The following TAF6L variants were observed in gnomAD, a reference collection of about 807,000 sequenced individuals.
TAF6L encodes the protein TAF6-like RNA polymerase II p300/CBP-associated factor-associated factor 65 kDa subunit 6L.
Under a neutral mutation model 57.3 loss-of-function variants are expected in TAF6L, and 34 were observed. The observed-to-expected ratio is 0.59, with a 90% CI of 0.45 to 0.79. The LOEUF (loss-of-function observed/expected upper bound fraction) is 0.79, where lower values mean the gene tolerates loss of function less well. Ranked by LOEUF, TAF6L falls within the 30% of genes least tolerant of loss-of-function variation. TAF6L has a pLI of 0.00. For synonymous variants in TAF6L, 417 were observed against 376.3 expected, an observed-to-expected ratio of 1.11 and a Z score of -1.25; for missense variants, 782 against 853.2, an observed-to-expected ratio of 0.92 and a Z score of 1.04.
chr11:62,786,466 G>A, intron 10 of TAF6L, 51 bp from the exon 11 acceptor site: 2 of 1,591,566 alleles, frequency 1.3e-6, no homozygotes, highest in Non-Finnish European at 1.7e-6. Context: ...AATATTTGAT[G>A]GGCCCAGGTT....
At chr11:62,772,391 C>T (rs1219932027) in intron 1 of TAF6L, among the ~76,000 whole-genome samples, 1 of 151,880 alleles carries the variant, frequency 6.6e-6, no homozygotes, top group Non-Finnish European at 1.5e-5. Context: ...GGCATGGCGG[C>T]GTATGCCTGT....
intron 1 of TAF6L, 126 bp from the exon 2 acceptor site, chr11:62,775,645 C>A: frequency 9.5e-7 from 1 of 1,052,300 alleles, no homozygotes; most frequent in Non-Finnish European, 1.3e-6. Flanking sequence ...CATCTGGGTA[C>A]TCAGAGCTCC....
intron 5 of TAF6L, 73 bp downstream of exon 5, chr11:62,778,408 G>A: frequency 3.2e-6 from 5 of 1,560,562 alleles, no homozygotes; most frequent in Non-Finnish European, 3.5e-6. Context: ...GTGCCTATGT[G>A]CCCCCGAGTC....
chr11:62,778,656 G>A, intron 5 of TAF6L: 2 of 612,958 alleles, frequency 3.3e-6, no homozygotes, highest in East Asian at 2.7e-5. Flanking sequence ...TCTGGCAGAG[G>A]GTGGGTGGAA....
chr11:62,775,888 G>T lies in TAF6L; in HGVS notation c.105G>T (p.Leu35=). The T allele has an allele frequency of 6.2e-7, 1 of 1,613,970 alleles. No individual in the cohort carries two copies. The highest frequency in any genetic ancestry group is 1.1e-5 in the South Asian group (1 of 91,076). The change falls in exon 2 of 11, where the codon CTG becomes CTT. Residue 35 remains leucine (L), a synonymous_variant. Transcript: ENST00000294168. ...AGCTGAGCGATGAGGTGGCGGCGCTGCTCGCAGAGGACGTGTGCTATCGTC... is the reference window on the plus strand; with the variant it reads ...AGCTGAGCGATGAGGTGGCGGCGCTTCTCGCAGAGGACGTGTGCTATCGTC... ...GLELSDEVAA[L]LAEDVCYRLR...
intron 6 of TAF6L, among the ~76,000 whole-genome samples, chr11:62,779,755 T>C (rs2084213476): frequency 6.6e-6 from 1 of 151,422 alleles, no homozygotes; most frequent in Non-Finnish European, 1.5e-5. Flanking sequence ...AGCCTCTACC[T>C]CTTGGGTTCA....
chr11:62,786,290 T>G lies in TAF6L; in HGVS notation c.991T>G (p.Ser331Ala). The change falls in exon 10 of 11, where the codon TCC (serine) becomes GCC (alanine). Residue 331 changes from serine to alanine, a missense_variant. By Grantham distance (99) the Ser-to-Ala change is moderately conservative. This residue lies in a region of TAF6L where 483 missense variants were observed against 445.1 expected (regional missense o/e 1.09). Coordinates refer to ENST00000294168, the MANE Select transcript of TAF6L (RefSeq NM_006473.4). ...AVERVLYPHL[S>A]TYWTNLQAVL... ...AGAACGAGTCCTGTACCCACACCTG[T>G]CCACCTACTGGACAAACTTGCAGGC... 6.2e-7 allele frequency: 1 copy of G among 1,614,110 alleles called. No homozygotes were observed. Among genetic ancestry groups the G allele is most frequent in the Non-Finnish European group, 8.5e-7 (1 of 1,179,992 alleles).
chr11:62,773,240 C>T (rs1178570149), intron 1 of TAF6L, among the ~76,000 whole-genome samples: 8 of 151,576 alleles, frequency 5.3e-5, no homozygotes, highest in South Asian at 2.1e-4. Context: ...CTCCACCTCC[C>T]GGGTTCAAGC....
chr11:62,773,976 G>A (rs1179683558), intron 1 of TAF6L, among the ~76,000 whole-genome samples: 4 of 152,188 alleles, frequency 2.6e-5, no homozygotes, highest in Non-Finnish European at 5.9e-5. Flanking sequence ...GGACACAGGT[G>A]GGAATACAGA....
chr11:62,776,726 C>T (rs910309847), intron 3 of TAF6L, among the ~76,000 whole-genome samples: 1 of 151,836 alleles, frequency 6.6e-6, no homozygotes. Flanking sequence ...TGGTACATGT[C>T]TGTAATCCCA....
chr11:62,782,917 G>T (rs2084241198), intron 9 of TAF6L, 92 bp downstream of exon 9: 1 of 1,534,152 alleles, frequency 6.5e-7, no homozygotes, highest in Non-Finnish European at 8.8e-7. Flanking sequence ...AAAATAGTGT[G>T]TGCCTGCCAC....
chr11:62,773,448 AT>A (rs112592058), intron 1 of TAF6L, among the ~76,000 whole-genome samples: 1,484 of 135,694 alleles, frequency 0.011, 15 homozygotes, highest in African/African-American at 0.034. Flanking sequence ...CCGGCCTACA[AT>A]TTTTTTTTTT....
At chr11:62,773,320 G>T (rs1304792562) in intron 1 of TAF6L, among the ~76,000 whole-genome samples, 3 of 151,046 alleles carry the variant, frequency 2.0e-5, no homozygotes, top group Non-Finnish European at 4.4e-5. Flanking sequence ...GCTAATTTTT[G>T]TATTTTTAGT....
At chr11:62,779,396 C>A (rs1191855105) in intron 6 of TAF6L, among the ~76,000 whole-genome samples, 1 of 151,882 alleles carries the variant, frequency 6.6e-6, no homozygotes, top group Non-Finnish European at 1.5e-5. Context: ...GGGGTTTCAC[C>A]GTGTTAGCCA....
chr11:62,782,179 C>T lies in TAF6L; in HGVS notation c.673C>T (p.Arg225Cys), dbSNP rs759238822. ...RLLQVARSLF[R>C]NPHLCLGPYV... is the part of the protein sequence containing the mutation. ...GCTGCAGGTGGCACGGAGCCTATTTCGTAATCCGCACCTGTGCTTGGGGCC... is the reference window on the plus strand; with the variant it reads ...GCTGCAGGTGGCACGGAGCCTATTTTGTAATCCGCACCTGTGCTTGGGGCC... Residue 225 changes from arginine to cysteine, a missense_variant, in exon 8 of 11, where the codon CGT becomes TGT. Coordinates refer to ENST00000294168, the MANE Select transcript of TAF6L (RefSeq NM_006473.4). 17 of 1,613,910 alleles carry T rather than the reference C, an allele frequency of 1.1e-5. No individual in the cohort carries two copies. Among genetic ancestry groups the T allele is most frequent in the African/African-American group, 4.0e-5 (3 of 74,930 alleles).
intron 6 of TAF6L, among the ~76,000 whole-genome samples, chr11:62,781,049 A>G (rs539268142): frequency 6.6e-6 from 1 of 151,762 alleles, no homozygotes. Context: ...TAGCCTGGTC[A>G]ACATGGCAAA....
intron 6 of TAF6L, among the ~76,000 whole-genome samples, chr11:62,780,796 G>C (rs1053784162): frequency 1.3e-5 from 2 of 151,020 alleles, no homozygotes; most frequent in Non-Finnish European, 2.9e-5. Context: ...AATTAGCCGG[G>C]CTTGGTGGCA....
At chr11:62,784,723 C>T (rs2084257741) in intron 9 of TAF6L, among the ~76,000 whole-genome samples, 2 of 152,126 alleles carry the variant, frequency 1.3e-5, no homozygotes, top group African/African-American at 4.8e-5. Flanking sequence ...TACAGATTTC[C>T]TGATAGTAAA....
Position 62,786,916 on chromosome 11 carries a change from C to T in TAF6L, c.1489C>T (p.His497Tyr), listed in dbSNP as rs537783180. 4.0e-6 allele frequency: 6 copies of T among 1,499,508 alleles called. No individual in the cohort carries two copies. The African/African-American group carries it at 7.2e-5, about 18-fold the overall frequency. 92.9% of individuals were successfully genotyped at this position (1,499,508 alleles called of 1,614,324 possible). ...GACGGCAAGCGCCATAGTCAGCCCG[C>T]ACGGCGACGAGAGCCCCCGGGGCAG... ...QLTASAIVSP[H>Y]GDESPRGSGG... Residue 497 changes from histidine to tyrosine, a missense_variant, in exon 11 of 11, where the codon CAC (histidine) becomes TAC (tyrosine). His to Tyr is a moderately conservative substitution (Grantham distance 83). Transcript: ENST00000294168.
Sources: allele counts gnomAD v4.1 joint callset (sites outside exome capture counted in the v4.1 genomes callset), GRCh38; gene constraint gnomAD v4.1.1; regional missense constraint gnomAD v4.1.1; transcripts MANE v1.5; gene names NCBI Gene and HGNC (gene_info 2026-07-23, HGNC 2026-07-21).